ATP6V0A2: variants seen among roughly 807,000 people sequenced by gnomAD.
ATP6V0A2 encodes ATPase H+ transporting V0 subunit a2.
Under a neutral mutation model 104.4 loss-of-function variants are expected in ATP6V0A2, and 58 were observed. That is an observed-to-expected ratio of 0.56 (90% CI 0.45 to 0.69). ATP6V0A2 has a LOEUF of 0.69. ATP6V0A2 is among the 30% of genes least tolerant of loss of function. The pLI is 0.00. For missense variants in ATP6V0A2, 938 were observed against 1,062.9 expected (o/e 0.88, Z 1.63); for synonymous variants, 376 against 397.9 (o/e 0.95, Z 0.65).
At position 123,718,493 on chromosome 12, in the gene ATP6V0A2, G is replaced by A. The variant is rs978855817; in HGVS notation, c.118-130G>A. On this transcript the variant is annotated intron_variant, in intron 1 of 19. Transcript: ENST00000330342. ...ACAAATTGCTCTCAAGAAAAGTTGT[G>A]TCAGTTTATAGTTTCATTCAATAGT... 2.6e-5 allele frequency: 17 copies of A among 652,344 alleles called. No homozygotes were observed. The African/African-American group carries it at 3.1e-4, about 12-fold the overall frequency. 40.4% of individuals were successfully genotyped at this position (652,344 alleles called of 1,614,324 possible). A position where few individuals can be genotyped will look rare whatever the true frequency, so the allele number is the denominator to read the frequency against.
chr12:123,718,659 G>T lies in ATP6V0A2; in HGVS notation c.154G>T (p.Val52Phe), dbSNP rs1181308696. ...CGTAAGTTCTTTCCAAAGAAAATTT[G>T]TTGGTGAGGTGAAGAGGTGTGAAGA... ...QNVSSFQRKF[V>F]GEVKRCEELE... Residue 52 changes from valine (V) to phenylalanine (F), a missense_variant, in exon 2 of 20, where the codon GTT becomes TTT. By Grantham distance (50) the Val-to-Phe change is conservative (BLOSUM62 -1). Transcript: ENST00000330342. The T allele has an allele frequency of 6.2e-7, 1 of 1,612,868 alleles. No homozygotes were observed. The highest frequency in any genetic ancestry group is 1.7e-5 in the Admixed American group (1 of 59,968).
intron 6 of ATP6V0A2, chr12:123,733,717 C>T: frequency 1.8e-6 from 1 of 563,764 alleles, no homozygotes. Flanking sequence ...AAAGTTTTGG[C>T]TGCTCTGCAC....
At chr12:123,746,920 G>A (rs1593913489) in intron 13 of ATP6V0A2, among the ~76,000 whole-genome samples, 2 of 151,264 alleles carry the variant, frequency 1.3e-5, no homozygotes, top group South Asian at 4.2e-4. Context: ...TTGACAGAGC[G>A]AGACTCCTCA....
chr12:123,745,833 G>A (rs577659698), intron 13 of ATP6V0A2, among the ~76,000 whole-genome samples: 10 of 152,298 alleles, frequency 6.6e-5, no homozygotes, highest in Admixed American at 3.9e-4. Flanking sequence ...TTCCTGAGCT[G>A]TCAGGAGTCT....
intron 5 of ATP6V0A2, among the ~76,000 whole-genome samples, chr12:123,727,567 G>T (rs1015061274): frequency 2.6e-5 from 4 of 152,132 alleles, no homozygotes; most frequent in African/African-American, 9.7e-5. Context: ...ATGAGCCACT[G>T]TGCCCAGCCA....
chr12:123,736,662 G>C (rs1214658976), intron 8 of ATP6V0A2, among the ~76,000 whole-genome samples: 1 of 152,180 alleles, frequency 6.6e-6, no homozygotes, highest in Non-Finnish European at 1.5e-5. Flanking sequence ...TGGTAGGATG[G>C]GATGGGCGTT....
At chr12:123,726,110 GC>G (rs1380483706) in intron 4 of ATP6V0A2, 86 bp from the exon 5 acceptor site, 49 of 971,900 alleles carry the variant, frequency 5.0e-5, no homozygotes, top group Middle Eastern at 5.1e-4. Flanking sequence ...TAGTTAGGAT[GC>G]CCTATAAACT....
At chr12:123,733,057 A>G (rs111841570) in intron 6 of ATP6V0A2, 6,095 of 152,246 alleles carry the variant, frequency 0.04, 350 homozygotes, top group African/African-American at 0.13. Flanking sequence ...TCATGCCTGT[A>G]ATCTCAGCAT....
At chr12:123,756,144 A>T (rs1956762070) in intron 18 of ATP6V0A2, among the ~76,000 whole-genome samples, 1 of 151,328 alleles carries the variant, frequency 6.6e-6, no homozygotes, top group Admixed American at 6.6e-5. Context: ...ATAGCCAACA[A>T]TAAGAGAGTT....
rs1956723684 is a variant in ATP6V0A2 at position 123,752,322 on chromosome 12, G to T, written c.2095G>T (p.Val699Phe). The T allele has an allele frequency of 6.2e-7, 1 of 1,614,194 alleles. No homozygotes were observed. The highest frequency in any genetic ancestry group is 8.5e-7 in the Non-Finnish European group (1 of 1,180,026). The change falls in exon 17 of 20, where the codon GTT becomes TTT. Residue 699 changes from valine (V) to phenylalanine (F), a missense_variant. Val to Phe is a conservative substitution (Grantham distance 50, BLOSUM62 -1). Transcript: ENST00000330342. The part of the protein sequence containing the change: ...TLIRKDSEEE[V>F]SLLGSQDIEE... The stretch of plus-strand genomic sequence containing the variant: ...TATAAGGAAAGATAGTGAGGAAGAA[G>T]TTTCATTGCTGGGAAGCCAAGATAT...
chr12:123,720,414 G>GGGCGA (rs1159809136), intron 2 of ATP6V0A2, among the ~76,000 whole-genome samples: 1 of 152,184 alleles, frequency 6.6e-6, no homozygotes, highest in Non-Finnish European at 1.5e-5. Flanking sequence ...AAAGAATGCA[G>GGGCGA]GGCTGGGCAC....
Position 123,752,292 on chromosome 12 carries a change from A to T in ATP6V0A2, c.2065A>T (p.Thr689Ser), listed in dbSNP as rs1217095088. The change falls in exon 17 of 20, where the codon ACA (threonine) becomes TCA (serine). Residue 689 changes from threonine (T) to serine (S), a missense_variant. Coordinates refer to ENST00000330342, the MANE Select transcript of ATP6V0A2 (RefSeq NM_012463.4). ...CTCTTTTGGTTGTTAGAGTGGCTAC[A>T]CACTTATAAGGAAAGATAGTGAGGA... is the stretch of plus-strand genomic sequence containing the variant. The part of the protein sequence containing the change: ...SCFGVNRSGY[T>S]LIRKDSEEEV... 1.2e-6 allele frequency: 2 copies of T among 1,614,074 alleles called. No individual in the cohort carries two copies. The highest frequency in any genetic ancestry group is 2.7e-5 in the African/African-American group (2 of 74,940).
At chr12:123,713,523 A>G (rs1956312430) in intron 1 of ATP6V0A2, among the ~76,000 whole-genome samples, 1 of 152,098 alleles carries the variant, frequency 6.6e-6, no homozygotes, top group Non-Finnish European at 1.5e-5. Context: ...CATTTGTTGA[A>G]TGAACAGACA....
chr12:123,724,029 C>CTAATATGTGGTGTGAACTTCACA (rs1235295372), intron 3 of ATP6V0A2: 2 of 151,902 alleles, frequency 1.3e-5, no homozygotes, highest in Non-Finnish European at 2.9e-5. Flanking sequence ...AATGTTTTAG[C>CTAATATGTGGTGTGAACTTCACA]TAATATGTGG....
At position 123,735,306 on chromosome 12, in the gene ATP6V0A2, G is replaced by A. The variant is rs564528718; in HGVS notation, c.732-225G>A. Among the ~76,000 whole-genome samples, 4 of 152,208 alleles carry A rather than the reference G, an allele frequency of 2.6e-5. No individual in the cohort carries two copies. In the South Asian group the frequency reaches 8.3e-4, roughly 32 times the overall value. ...CTTCCAGGAATCATTGAGGGCAGGA[G>A]TGGAATTTGGATCCCAGAGGGAGTT... is the stretch of plus-strand genomic sequence containing the variant. On this transcript the variant is annotated intron_variant, in intron 7 of 19. Transcript: ENST00000330342.
chr12:123,739,370 A>G (rs563092095), intron 9 of ATP6V0A2, among the ~76,000 whole-genome samples: 2 of 152,272 alleles, frequency 1.3e-5, no homozygotes, highest in African/African-American at 4.8e-5. Context: ...GGTGACTGAG[A>G]CGTTCTCCAG....
chr12:123,735,402 C>T, intron 7 of ATP6V0A2, 129 bp from the exon 8 acceptor site: 1 of 791,972 alleles, frequency 1.3e-6, no homozygotes, highest in Non-Finnish European at 2.2e-6. Context: ...GGGCAGATGA[C>T]TGCATCTGCA....
At chr12:123,730,841 G>A (rs1167327708) in intron 6 of ATP6V0A2, 1 of 152,136 alleles carries the variant, frequency 6.6e-6, no homozygotes, top group African/African-American at 2.4e-5. Context: ...CAAGTAGCTG[G>A]GACTACAGGT....
chr12:123,733,793 A>G, intron 6 of ATP6V0A2, 133 bp from the exon 7 acceptor site: 1 of 738,928 alleles, frequency 1.4e-6, no homozygotes, highest in Non-Finnish European at 2.4e-6. Flanking sequence ...TCGTAATTAC[A>G]GAATCCTCAA....
Sources: gnomAD v4.1 joint callset for allele counts (sites outside exome capture counted in the v4.1 genomes callset) on GRCh38, gnomAD v4.1.1 for gene constraint, MANE v1.5 for transcripts, NCBI Gene and HGNC (gene_info 2026-07-23, HGNC 2026-07-21) for gene names.